The following LONRF3 variants were observed in gnomAD, a reference collection of about 807,000 sequenced individuals.
LONRF3 encodes the protein LON peptidase N-terminal domain and ring finger 3.
Under a neutral mutation model 51.7 loss-of-function variants are expected in LONRF3, and 19 were observed. That is an observed-to-expected ratio of 0.37 (90% CI 0.26 to 0.54). LONRF3 has a LOEUF of 0.54. LONRF3 is among the 20% of genes least tolerant of loss of function. The pLI is 0.86. For missense variants in LONRF3, 521 were observed against 623.9 expected (o/e 0.84, Z 1.76); for synonymous variants, 265 against 257.8 (o/e 1.03, Z -0.27).
chrX:119,011,928 C>T lies in LONRF3; in HGVS notation c.1766C>T (p.Thr589Ile). 2 of 1,211,827 alleles carry T rather than the reference C, an allele frequency of 1.7e-6. No homozygotes were observed. The highest frequency in any genetic ancestry group is 2.2e-6 in the Non-Finnish European group (2 of 895,495). The change falls in exon 8 of 11, where the codon ACA becomes ATA. Residue 589 changes from threonine to isoleucine, a missense_variant. Physicochemically the swap from Thr to Ile is moderately conservative, Grantham distance 89 (BLOSUM62 -1). Around this residue, in one of 2 missense-constraint regions of LONRF3, gnomAD observed 145 missense variants for 247.2 expected, o/e 0.59. Transcript: ENST00000371628. ...YRLMIRRCIE[T>I]GTRQFGMCLG... ...CTGATGATTCGTAGATGCATTGAGA[C>T]AGGCACGAGACAGTTTGGCATGTGC...
chrX:119,009,049 TG>T (rs1455499517), intron 6 of LONRF3, 76 bp from the exon 7 acceptor site: 2 of 920,945 alleles, frequency 2.2e-6, no homozygotes, highest in Admixed American at 5.4e-5. Flanking sequence ...ACTTGTTCAC[TG>T]ATTACATCAG....
chrX:118,989,549 T>G lies in LONRF3; in HGVS notation c.1201T>G (p.Trp401Gly). The change falls in exon 4 of 11, where the codon TGG becomes GGG. Residue 401 changes from tryptophan (W) to glycine (G), a missense_variant. Trp to Gly is a radical substitution (Grantham distance 184). Coordinates refer to ENST00000371628, the MANE Select transcript of LONRF3 (RefSeq NM_001031855.3). Reference sequence around the variant, plus strand: ...AGACCAGGAAGAAGAGGAGGAGAAGTGGGATGCTACCTCTCCAAAAGCTGC... The same window carrying G: ...AGACCAGGAAGAAGAGGAGGAGAAGGGGGATGCTACCTCTCCAAAAGCTGC... ...MKDQEEEEEK[W>G]DATSPKAASS... The G allele has an allele frequency of 8.3e-7, 1 of 1,210,766 alleles. No homozygotes were observed. Among genetic ancestry groups the G allele is most frequent in the Non-Finnish European group, 1.1e-6 (1 of 895,202 alleles).
chrX:118,997,612 A>G (rs1426024812), intron 5 of LONRF3, among the ~76,000 whole-genome samples: 2 of 112,544 alleles, frequency 1.8e-5, no homozygotes, highest in Admixed American at 1.9e-4. Flanking sequence ...ACAAAGATAA[A>G]TAGCTGGGAC....
intron 6 of LONRF3, among the ~76,000 whole-genome samples, chrX:119,006,943 C>T (rs187977368): frequency 9.2e-6 from 1 of 108,573 alleles, no homozygotes; most frequent in African/African-American, 3.4e-5. Context: ...AGGCTGGTCT[C>T]GAACTCCTGA....
intron 8 of LONRF3, 178 bp from the exon 9 acceptor site, chrX:119,012,861 A>T (rs776314397): frequency 2.8e-5 from 33 of 1,173,997 alleles, no homozygotes; most frequent in East Asian, 9.0e-5. Context: ...TACATTACGA[A>T]TTTTTTTTCT....
chrX:119,006,562 G>A (rs10127384), intron 6 of LONRF3, among the ~76,000 whole-genome samples: 4,129 of 76,976 alleles, frequency 0.054, 229 homozygotes, highest in African/African-American at 0.18. Flanking sequence ...CACCACGCTC[G>A]GCTAATTTTT....
At chrX:119,017,475 T>C in intron 10 of LONRF3, 60 bp from the exon 11 acceptor site, 1 of 1,113,444 alleles carries the variant, frequency 9.0e-7, no homozygotes, top group Non-Finnish European at 1.2e-6. Context: ...CATTTGGAAC[T>C]CTGCAGACTG....
chrX:118,994,699 C>T (rs1361414252), intron 5 of LONRF3, among the ~76,000 whole-genome samples: 4 of 111,614 alleles, frequency 3.6e-5, no homozygotes. Flanking sequence ...CTGCACCCGG[C>T]CCAAAACAAA....
intron 7 of LONRF3, among the ~76,000 whole-genome samples, chrX:119,010,924 C>T (rs1306235168): frequency 9.1e-6 from 1 of 109,617 alleles, no homozygotes; most frequent in Non-Finnish European, 1.9e-5. Context: ...GACCAGCCTG[C>T]CCAGCATGGT....
chrX:118,989,014 A>C (rs866344488), intron 3 of LONRF3, among the ~76,000 whole-genome samples: 3 of 110,486 alleles, frequency 2.7e-5, no homozygotes, highest in South Asian at 7.8e-4. Context: ...GAGAGGAACT[A>C]TTGAGTGACA....
rs192311972 is a variant in LONRF3 at position 118,996,767 on chromosome X, A to G, written c.1415+6207A>G. ...GAAATCCTGTCTCTACTAAAAATAC[A>G]AAAAATTAGCCGGGCGTGGTGGCAT... On this transcript the variant is annotated intron_variant, in intron 5 of 10. Coordinates refer to ENST00000371628, the MANE Select transcript of LONRF3 (RefSeq NM_001031855.3). 3.5e-3 allele frequency among the ~76,000 whole-genome samples: 384 copies of G among 109,333 alleles called. 4 individuals are homozygous for G. The highest frequency in any genetic ancestry group is 0.035 in the East Asian group (120 of 3,472). 94.9% of individuals were successfully genotyped at this position (109,333 alleles called of 115,157 possible).
chrX:119,010,562 G>A (rs180785047), intron 7 of LONRF3, among the ~76,000 whole-genome samples: 46 of 110,290 alleles, frequency 4.2e-4, no homozygotes, highest in African/African-American at 1.4e-3. Flanking sequence ...AATTAGCATT[G>A]AGCCTCTCTG....
In LONRF3 at chrX:119,011,731, G is replaced by T. The variant is rs191649557; in HGVS notation, c.1653-84G>T. 342 of 1,003,314 alleles carry T rather than the reference G, an allele frequency of 3.4e-4. 1 individual carries two copies. In the African/African-American group the frequency reaches 5.1e-3, roughly 15 times the overall value. 82.7% of individuals were successfully genotyped at this position (1,003,314 alleles called of 1,213,427 possible). On this transcript the variant is annotated intron_variant, in intron 7 of 10. Transcript: ENST00000371628. ...ACTTGGTGTCTCTGCCTTCCCCCAGGGGTATCACATGCTAACATTTGACCA... is the reference window on the plus strand; with the variant it reads ...ACTTGGTGTCTCTGCCTTCCCCCAGTGGTATCACATGCTAACATTTGACCA...
chrX:119,015,946 A>G (rs1452266979), intron 10 of LONRF3, among the ~76,000 whole-genome samples: 1 of 112,328 alleles, frequency 8.9e-6, no homozygotes, highest in Non-Finnish European at 1.9e-5. Flanking sequence ...TTTGTTGGTG[A>G]TCCTTGGAAA....
chrX:118,992,712 C>T (rs1365953259), intron 5 of LONRF3, among the ~76,000 whole-genome samples: 1 of 111,501 alleles, frequency 9.0e-6, no homozygotes, highest in South Asian at 3.8e-4. Flanking sequence ...AGGAGACCAA[C>T]CAGCACAAAA....
rs1052705149 is a variant in LONRF3 at position 119,011,742 on chromosome X, G to C, written c.1653-73G>C. The C allele has an allele frequency of 5.7e-5, 62 of 1,084,990 alleles. No individual in the cohort carries two copies. The African/African-American group carries it at 1.1e-3, about 20-fold the overall frequency. 89.4% of individuals were successfully genotyped at this position (1,084,990 alleles called of 1,213,427 possible). A position where few individuals can be genotyped will look rare whatever the true frequency, so the allele number is the denominator to read the frequency against. ...CTGCCTTCCCCCAGGGGTATCACAT[G>C]CTAACATTTGACCAATATTTTTGTG... On this transcript the variant is annotated intron_variant, in intron 7 of 10. Coordinates refer to ENST00000371628, the MANE Select transcript of LONRF3 (RefSeq NM_001031855.3).
intron 3 of LONRF3, among the ~76,000 whole-genome samples, chrX:118,986,051 A>AACACACACAC (rs35356301): frequency 1.3e-4 from 11 of 83,860 alleles, no homozygotes; most frequent in Admixed American, 7.0e-4. Flanking sequence ...AGTATATGGA[A>AACACACACAC]ACACACACAC....
chrX:118,995,701 A>C (rs892326472), intron 5 of LONRF3, among the ~76,000 whole-genome samples: 11 of 112,330 alleles, frequency 9.8e-5, no homozygotes, highest in Non-Finnish European at 1.9e-4. Flanking sequence ...AGTCAAGGCT[A>C]CTATGAACAC....
chrX:118,987,292 T>G (rs190511972), intron 3 of LONRF3, among the ~76,000 whole-genome samples: 1 of 109,523 alleles, frequency 9.1e-6, no homozygotes, highest in South Asian at 4.0e-4. Context: ...TGAAAAAAAA[T>G]TATGAAACAG....
Sources: gnomAD v4.1 joint callset for allele counts (sites outside exome capture counted in the v4.1 genomes callset) on GRCh38, gnomAD v4.1.1 for gene constraint, gnomAD v4.1.1 regional missense constraint, MANE v1.5 for transcripts, NCBI Gene and HGNC (gene_info 2026-07-23, HGNC 2026-07-21) for gene names.